The following THSD7A variants were observed in gnomAD, a reference collection of about 807,000 sequenced individuals.
The protein encoded by THSD7A is thrombospondin type-1 domain-containing protein 7A.
Under a neutral mutation model 231.3 loss-of-function variants are expected in THSD7A, and 96 were observed. The observed-to-expected ratio is 0.41, with a 90% CI of 0.35 to 0.49. THSD7A has a LOEUF of 0.49. Ranked by LOEUF, THSD7A falls within the 20% of genes least tolerant of loss-of-function variation. The pLI, the probability that THSD7A is intolerant of heterozygous loss-of-function variation, is 0.05. For missense variants in THSD7A, 2,290 were observed against 2,070.2 expected, an observed-to-expected ratio of 1.11 and a Z score of -2.06; for synonymous variants, 940 against 743.3, an observed-to-expected ratio of 1.26 and a Z score of -4.30.
intron 1 of THSD7A, among the ~76,000 whole-genome samples, chr7:11,784,796 T>A (rs970253351): frequency 1.3e-5 from 2 of 152,120 alleles, no homozygotes; most frequent in African/African-American, 4.8e-5. Flanking sequence ...TTTGAATATA[T>A]ATTGTTGCAA....
intron 1 of THSD7A, among the ~76,000 whole-genome samples, chr7:11,753,310 T>C (rs547508556): frequency 6.6e-6 from 1 of 152,210 alleles, no homozygotes; most frequent in African/African-American, 2.4e-5. Flanking sequence ...AGTGTTGTAG[T>C]TTTCAAAACT....
chr7:11,594,521 A>C (rs941233146), intron 2 of THSD7A, among the ~76,000 whole-genome samples: 1 of 152,148 alleles, frequency 6.6e-6, no homozygotes, highest in Non-Finnish European at 1.5e-5. Flanking sequence ...GAGTTATGCA[A>C]AATAAATGCA....
At chr7:11,587,815 A>G (rs186860117) in intron 4 of THSD7A, among the ~76,000 whole-genome samples, 1 of 152,308 alleles carries the variant, frequency 6.6e-6, no homozygotes, top group Admixed American at 6.5e-5. Context: ...GCACCAAGTT[A>G]ATAAAGGAAG....
intron 11 of THSD7A, among the ~76,000 whole-genome samples, chr7:11,449,539 G>A (rs1021933519): frequency 6.6e-6 from 1 of 152,018 alleles, no homozygotes; most frequent in African/African-American, 2.4e-5. Context: ...GGGAAACAAT[G>A]GCTGAACATT....
At chr7:11,501,606 G>C (rs1787338765) in intron 6 of THSD7A, among the ~76,000 whole-genome samples, 1 of 152,212 alleles carries the variant, frequency 6.6e-6, no homozygotes, top group South Asian at 2.1e-4. Flanking sequence ...CAACATGCCA[G>C]AATCTCTGGG....
At chr7:11,454,151 A>C (rs989705900) in intron 11 of THSD7A, among the ~76,000 whole-genome samples, 4 of 152,010 alleles carry the variant, frequency 2.6e-5, no homozygotes, top group Admixed American at 6.6e-5. Flanking sequence ...TTTCTCTTTT[A>C]TTGACAATTT....
intron 9 of THSD7A, among the ~76,000 whole-genome samples, chr7:11,468,086 G>C (rs1369325398): frequency 2.6e-5 from 4 of 151,986 alleles, no homozygotes. Context: ...GAAAGGCAAA[G>C]TCTTTCCACT....
chr7:11,664,066 A>G (rs987788614), intron 1 of THSD7A, among the ~76,000 whole-genome samples: 3 of 151,716 alleles, frequency 2.0e-5, no homozygotes, highest in African/African-American at 7.2e-5. Context: ...TAAGTCTAGA[A>G]TCTGAATCTC....
At chr7:11,588,090 G>A (rs1200913691) in intron 4 of THSD7A, among the ~76,000 whole-genome samples, 2 of 152,084 alleles carry the variant, frequency 1.3e-5, no homozygotes, top group Non-Finnish European at 2.9e-5. Context: ...TTATTAGCTG[G>A]GGGAGTTGTT....
At chr7:11,646,578 AC>A (rs1231046650) in intron 1 of THSD7A, among the ~76,000 whole-genome samples, 1 of 151,948 alleles carries the variant, frequency 6.6e-6, no homozygotes, top group African/African-American at 2.4e-5. Context: ...AATGGACAAA[AC>A]TTTTTACCCA....
chr7:11,476,318 TACACACACACACACACACACACAC>T (rs59127235), intron 7 of THSD7A, among the ~76,000 whole-genome samples: 2 of 137,392 alleles, frequency 1.5e-5, no homozygotes, highest in East Asian at 2.2e-4. Context: ...CTCTGGAAGA[TACACACACACACACACACACACAC>T]ACACACACAC....
intron 1 of THSD7A, among the ~76,000 whole-genome samples, chr7:11,768,143 C>T (rs1371414814): frequency 6.6e-6 from 1 of 152,092 alleles, no homozygotes; most frequent in Non-Finnish European, 1.5e-5. Context: ...CCATACTTGG[C>T]AGGACTATTC....
intron 1 of THSD7A, among the ~76,000 whole-genome samples, chr7:11,664,463 T>C (rs1783045436): frequency 6.6e-6 from 1 of 152,030 alleles, no homozygotes; most frequent in East Asian, 1.9e-4. Context: ...TGTATTAGAA[T>C]AAATACATCA....
chr7:11,622,722 A>ATCTAAAATTGTCCCACTCAATATTAATT (rs1194117293), intron 2 of THSD7A, among the ~76,000 whole-genome samples: 1 of 152,180 alleles, frequency 6.6e-6, no homozygotes, highest in East Asian at 1.9e-4. Context: ...CTGGCTGAAT[A>ATCTAAAATTGTCCCACTCAATATTAATT]TCTAAAATTG....
chr7:11,392,804 A>G (rs931944008), intron 23 of THSD7A, among the ~76,000 whole-genome samples: 1 of 152,228 alleles, frequency 6.6e-6, no homozygotes, highest in Non-Finnish European at 1.5e-5. Flanking sequence ...CAGCTCTGCA[A>G]AGCCCTTGTA....
At chr7:11,460,870 T>G (rs1785481432) in intron 10 of THSD7A, 105 bp from the exon 11 acceptor site, 2 of 785,324 alleles carry the variant, frequency 2.5e-6, no homozygotes, top group Non-Finnish European at 4.2e-6. Context: ...CAAACACAGT[T>G]ATTTAGCAAT....
At chr7:11,773,678 A>T (rs1441922054) in intron 1 of THSD7A, among the ~76,000 whole-genome samples, 2 of 152,140 alleles carry the variant, frequency 1.3e-5, no homozygotes, top group African/African-American at 4.8e-5. Context: ...ATTATTATGG[A>T]TTCATAATAA....
intron 1 of THSD7A, among the ~76,000 whole-genome samples, chr7:11,826,812 C>CAAAA (rs3037773): frequency 8.3e-6 from 1 of 120,778 alleles, no homozygotes; most frequent in African/African-American, 3.1e-5. Flanking sequence ...GCCTCTGTCT[C>CAAAA]AAAAAAAAAA....
intron 2 of THSD7A, among the ~76,000 whole-genome samples, chr7:11,593,990 T>C (rs989483663): frequency 6.6e-5 from 10 of 152,178 alleles, no homozygotes; most frequent in Admixed American, 2.0e-4. Flanking sequence ...CAAAGGAGAT[T>C]AACATTTGAG....
Sources: gnomAD v4.1 joint callset for allele counts (sites outside exome capture counted in the v4.1 genomes callset) on GRCh38, gnomAD v4.1.1 for gene constraint, MANE v1.5 for transcripts, NCBI Gene and HGNC (gene_info 2026-07-23, HGNC 2026-07-21) for gene names.